The following CDH12 variants were observed in gnomAD, a reference collection of about 807,000 sequenced individuals.
The protein encoded by CDH12 is cadherin 12.
A neutral mutation model predicts 74.1 loss-of-function variants in CDH12; 41 were observed. That is an observed-to-expected ratio of 0.55 (90% CI 0.43 to 0.72). CDH12 has a LOEUF of 0.72. Ranked by LOEUF, CDH12 falls within the 30% of genes least tolerant of loss-of-function variation. CDH12 has a pLI of 0.00. For synonymous variants in CDH12, 399 were observed against 355.0 expected, an observed-to-expected ratio of 1.12 and a Z score of -1.39; for missense variants, 945 against 977.2, an observed-to-expected ratio of 0.97 and a Z score of 0.44.
At chr5:22,333,991 A>T (rs528210765) in intron 3 of CDH12, among the ~76,000 whole-genome samples, 1 of 152,290 alleles carries the variant, frequency 6.6e-6, no homozygotes, top group African/African-American at 2.4e-5. Context: ...ACCTAATTAA[A>T]GCCATGTATA....
chr5:22,701,117 T>G (rs2126959623), intron 1 of CDH12, among the ~76,000 whole-genome samples: 1 of 152,276 alleles, frequency 6.6e-6, no homozygotes, highest in African/African-American at 2.4e-5. Context: ...TGCCCCAAAC[T>G]TGCAAATTTA....
chr5:22,494,472 T>C (rs924649752), intron 2 of CDH12, among the ~76,000 whole-genome samples: 1 of 152,256 alleles, frequency 6.6e-6, no homozygotes, highest in South Asian at 2.1e-4. Context: ...TTATTTACAT[T>C]TATTCATCTC....
At chr5:22,092,811 C>A (rs1743512583) in intron 4 of CDH12, among the ~76,000 whole-genome samples, 1 of 152,064 alleles carries the variant, frequency 6.6e-6, no homozygotes, top group Non-Finnish European at 1.5e-5. Flanking sequence ...AACCTCCCAG[C>A]AGCATTATTA....
intron 5 of CDH12, among the ~76,000 whole-genome samples, chr5:22,061,294 G>A (rs1251052421): frequency 6.6e-6 from 1 of 152,058 alleles, no homozygotes; most frequent in African/African-American, 2.4e-5. Flanking sequence ...CAATAAATTA[G>A]GTCTTGCCTC....
intron 6 of CDH12, among the ~76,000 whole-genome samples, chr5:21,932,944 A>G (rs527311387): frequency 5.3e-5 from 8 of 150,718 alleles, no homozygotes; most frequent in Admixed American, 4.0e-4. Context: ...ATCCACGTAC[A>G]AAACTCTCAC....
At chr5:22,310,149 TA>T (rs1184081392) in intron 3 of CDH12, among the ~76,000 whole-genome samples, 1 of 151,694 alleles carries the variant, frequency 6.6e-6, no homozygotes, top group East Asian at 1.9e-4. Flanking sequence ...TAAAGTATAA[TA>T]AAAAACAACA....
chr5:22,314,157 A>T (rs924365774), intron 3 of CDH12, among the ~76,000 whole-genome samples: 3 of 152,106 alleles, frequency 2.0e-5, no homozygotes, highest in African/African-American at 7.2e-5. Flanking sequence ...TTCGACTTGA[A>T]GTGTCAATCG....
At chr5:22,565,642 T>C (rs1281130447) in intron 1 of CDH12, among the ~76,000 whole-genome samples, 2 of 152,030 alleles carry the variant, frequency 1.3e-5, no homozygotes, top group Non-Finnish European at 2.9e-5. Context: ...GTGTGCAAAA[T>C]CCTCTTGGGG....
chr5:22,805,580 C>G (rs1184308105), intron 1 of CDH12, among the ~76,000 whole-genome samples: 1 of 151,710 alleles, frequency 6.6e-6, no homozygotes, highest in African/African-American at 2.4e-5. Context: ...TTATTATATC[C>G]TTTTGGGTAA....
chr5:22,037,801 A>G (rs74982788), intron 5 of CDH12, among the ~76,000 whole-genome samples: 4,110 of 152,266 alleles, frequency 0.027, 184 homozygotes, highest in African/African-American at 0.093. Context: ...GCTAGATTAC[A>G]TCAAAAGAGT....
chr5:21,837,778 T>A (rs1749622488), intron 8 of CDH12, among the ~76,000 whole-genome samples: 1 of 152,200 alleles, frequency 6.6e-6, no homozygotes, highest in Non-Finnish European at 1.5e-5. Flanking sequence ...CAAAAACATG[T>A]AAAATTTCAG....
intron 5 of CDH12, among the ~76,000 whole-genome samples, chr5:21,986,023 C>T (rs1409089168): frequency 2.0e-5 from 3 of 151,970 alleles, no homozygotes; most frequent in Non-Finnish European, 4.4e-5. Context: ...AGAGGGATAC[C>T]ACTTTACAAG....
rs542683045 is a variant in CDH12 at position 22,377,465 on chromosome 5, C to A, written c.-333+27792G>T. Among the ~76,000 whole-genome samples, 4 of 152,204 alleles carry A rather than the reference C, an allele frequency of 2.6e-5. No individual in the cohort carries two copies. In the South Asian group the frequency reaches 8.3e-4, roughly 31 times the overall value. ...AGGATGGCTTCCAGCACAGTGAGGG[C>A]CAAGTGTGTCCTCATTTGCATCCGG... On this transcript the variant is annotated intron_variant, in intron 3 of 14. Transcript: ENST00000382254.
At chr5:22,118,001 G>T (rs1745274890) in intron 4 of CDH12, among the ~76,000 whole-genome samples, 1 of 152,022 alleles carries the variant, frequency 6.6e-6, no homozygotes, top group Admixed American at 6.6e-5. Context: ...CGTATATGAA[G>T]AAAATGGTGA....
At chr5:22,850,391 T>C (rs1185371536) in intron 1 of CDH12, among the ~76,000 whole-genome samples, 1 of 152,122 alleles carries the variant, frequency 6.6e-6, no homozygotes, top group African/African-American at 2.4e-5. Flanking sequence ...GTTTAAATTG[T>C]TCAGTTATTC....
intron 1 of CDH12, among the ~76,000 whole-genome samples, chr5:22,763,767 C>T (rs573608566): frequency 1.3e-4 from 20 of 151,992 alleles, no homozygotes; most frequent in Non-Finnish European, 2.7e-4. Context: ...ATTCTAAGCA[C>T]TGAGTGATCA....
At chr5:22,202,678 T>C (rs1306244123) in intron 4 of CDH12, among the ~76,000 whole-genome samples, 7 of 152,158 alleles carry the variant, frequency 4.6e-5, no homozygotes, top group Admixed American at 1.3e-4. Flanking sequence ...CTAGCAGATA[T>C]GGCCATCCAT....
At chr5:22,271,783 G>T (rs1010228666) in intron 3 of CDH12, among the ~76,000 whole-genome samples, 30 of 141,470 alleles carry the variant, frequency 2.1e-4, no homozygotes, top group Non-Finnish European at 2.3e-4. Context: ...GTAATATTTT[G>T]AAATAAATCT....
intron 3 of CDH12, among the ~76,000 whole-genome samples, chr5:22,263,987 TAC>T (rs1170865276): frequency 6.6e-6 from 1 of 151,986 alleles, no homozygotes; most frequent in Non-Finnish European, 1.5e-5. Context: ...TTTTAAAACA[TAC>T]TTCCCTACCA....
Sources: allele counts gnomAD v4.1 joint callset (sites outside exome capture counted in the v4.1 genomes callset), GRCh38; gene constraint gnomAD v4.1.1; transcripts MANE v1.5; gene names NCBI Gene and HGNC (gene_info 2026-07-23, HGNC 2026-07-21).